FERMT1: variants seen among roughly 807,000 people sequenced by gnomAD.
FERMT1 encodes FERM domain containing kindlin 1.
Under a neutral mutation model 85.3 loss-of-function variants are expected in FERMT1, and 60 were observed. That is an observed-to-expected ratio of 0.70 (90% CI 0.57 to 0.87). The LOEUF is 0.87. FERMT1 is among the 40% of genes least tolerant of loss of function. The pLI is 0.00. For missense variants in FERMT1, 701 were observed against 818.9 expected, an observed-to-expected ratio of 0.86 and a Z score of 1.76; for synonymous variants, 275 against 301.1, an observed-to-expected ratio of 0.91 and a Z score of 0.90.
chr20:6,087,296 G>A (rs1982213289), intron 11 of FERMT1, among the ~76,000 whole-genome samples: 1 of 152,088 alleles, frequency 6.6e-6, no homozygotes, highest in Non-Finnish European at 1.5e-5. Context: ...ACATCTTTCA[G>A]AAAACAATGT....
intron 6 of FERMT1, among the ~76,000 whole-genome samples, chr20:6,098,585 A>G (rs1320166920): frequency 6.6e-6 from 1 of 151,432 alleles, no homozygotes; most frequent in African/African-American, 2.4e-5. Flanking sequence ...TTAATTTTAT[A>G]TTAAAATATA....
chr20:6,099,073 T>A (rs1171785287), intron 6 of FERMT1, among the ~76,000 whole-genome samples: 1 of 152,160 alleles, frequency 6.6e-6, no homozygotes, highest in Non-Finnish European at 1.5e-5. Flanking sequence ...AAATGTGCTG[T>A]CCACATACAA....
intron 13 of FERMT1, among the ~76,000 whole-genome samples, chr20:6,081,159 G>T (rs143394463): frequency 1.1e-3 from 163 of 152,054 alleles, no homozygotes; most frequent in African/African-American, 3.7e-3. Context: ...CTCACAAGTC[G>T]CAGCTACTTG....
intron 5 of FERMT1, among the ~76,000 whole-genome samples, chr20:6,108,473 G>A (rs1374608614): frequency 1.3e-5 from 2 of 152,068 alleles, no homozygotes; most frequent in Non-Finnish European, 2.9e-5. Flanking sequence ...CAGCTTTGTA[G>A]ACAAAGAGAC....
chr20:6,082,799 C>T (rs1158950667), intron 13 of FERMT1, among the ~76,000 whole-genome samples: 1 of 152,060 alleles, frequency 6.6e-6, no homozygotes, highest in Non-Finnish European at 1.5e-5. Flanking sequence ...GGGACTACAG[C>T]TGCACACCAC....
intron 14 of FERMT1, among the ~76,000 whole-genome samples, chr20:6,078,270 G>T (rs1201594347): frequency 6.6e-6 from 1 of 152,148 alleles, no homozygotes; most frequent in Non-Finnish European, 1.5e-5. Context: ...TAGAGCTACC[G>T]CCTTAGAGGT....
At chr20:6,117,374 T>A (rs1276195037) in intron 2 of FERMT1, among the ~76,000 whole-genome samples, 1 of 151,700 alleles carries the variant, frequency 6.6e-6, no homozygotes, top group Non-Finnish European at 1.5e-5. Context: ...GTTCAAGCGA[T>A]TCTCCTGCCT....
chr20:6,078,786 T>C (rs1262846659), intron 14 of FERMT1, among the ~76,000 whole-genome samples: 2 of 152,156 alleles, frequency 1.3e-5, no homozygotes, highest in East Asian at 3.9e-4. Flanking sequence ...AGCGGCAGGA[T>C]GCTAAGCTGC....
Position 6,084,859 on chromosome 20 carries a change from G to A in FERMT1, c.1593+207C>T, listed in dbSNP as rs112005505. Among the ~76,000 whole-genome samples the A allele has an allele frequency of 5.6e-3, 854 of 152,026 alleles. 6 individuals carry two copies. Among genetic ancestry groups the A allele is most frequent in the African/African-American group, 0.019 (798 of 41,472 alleles). On this transcript the variant is annotated intron_variant, in intron 12 of 14. Coordinates refer to ENST00000217289, the MANE Select transcript of FERMT1 (RefSeq NM_017671.5). ...CAGGTGTGCACCACCACGTCTGACT[G>A]ATTTTGTATTTTTAGTATAGAAGGG...
intron 6 of FERMT1, among the ~76,000 whole-genome samples, chr20:6,097,875 T>G (rs1982553168): frequency 6.6e-6 from 1 of 151,792 alleles, no homozygotes. Context: ...AGTACAGTAG[T>G]GCAATCTTGG....
intron 12 of FERMT1, 98 bp downstream of exon 12, chr20:6,084,968 C>T (rs1982119965): frequency 8.4e-7 from 1 of 1,183,596 alleles, no homozygotes; most frequent in Non-Finnish European, 1.3e-6. Context: ...GCTGGAATTA[C>T]AGGTGTGAGC....
At position 6,076,401 on chromosome 20, in the gene FERMT1, C is replaced by T. The variant is rs1043120859; in HGVS notation, c.*772G>A. On this transcript the variant is annotated 3_prime_UTR_variant, in exon 15 of 15. Transcript: ENST00000217289. ...GGATCTGGGTTGAGAAATGGGTTTT[C>T]CTGTCCCCCTGTGTCACCCACATCT... The T allele has an allele frequency of 3.9e-6, 2 of 513,628 alleles. No homozygotes were observed. The highest frequency in any genetic ancestry group is 3.9e-5 in the African/African-American group (2 of 51,886). 31.8% of individuals were successfully genotyped at this position (513,628 alleles called of 1,614,324 possible).
rs530261051 is a variant in FERMT1 at position 6,081,434 on chromosome 20, G to A, written c.1719-1857C>T. On this transcript the variant is annotated intron_variant, in intron 13 of 14. Coordinates refer to ENST00000217289, the MANE Select transcript of FERMT1 (RefSeq NM_017671.5). ...AGGCAAGTGATGCAAGTTGGCAAAG[G>A]GTAAGGGGTGACTCATTGTGTCAAA... Among the ~76,000 whole-genome samples, 128 of 152,264 alleles carry A rather than the reference G, an allele frequency of 8.4e-4. 2 individuals carry two copies. The South Asian group carries it at 0.019, about 22-fold the overall frequency.
Position 6,075,032 on chromosome 20 carries a change from C to G in FERMT1, c.*2141G>C, listed in dbSNP as rs1257574281. 3.4e-5 allele frequency: 5 copies of G among 147,564 alleles called. No homozygotes were observed. The highest frequency in any genetic ancestry group is 4.3e-4 in the South Asian group (2 of 4,620). The allele number at this position is 147,564 out of a possible 1,614,324, so 9.1% of individuals were successfully genotyped here. A position where few individuals can be genotyped will look rare whatever the true frequency, so the allele number is the denominator to read the frequency against. On this transcript the variant is annotated 3_prime_UTR_variant, in exon 15 of 15. Transcript: ENST00000217289. ...AAAACCATCAAGTTGCTCTTTGGAACAGTAGCATTTAGGTTTGTTTTTTTT... is the reference window on the plus strand; with the variant it reads ...AAAACCATCAAGTTGCTCTTTGGAAGAGTAGCATTTAGGTTTGTTTTTTTT...
intron 13 of FERMT1, among the ~76,000 whole-genome samples, chr20:6,080,451 AT>A (rs1158761340): frequency 6.6e-6 from 1 of 152,170 alleles, no homozygotes; most frequent in African/African-American, 2.4e-5. Flanking sequence ...CCTGTCCCAG[AT>A]GGTTTTGAGC....
At chr20:6,114,316 G>GA (rs1308479982) in intron 3 of FERMT1, among the ~76,000 whole-genome samples, 1 of 152,130 alleles carries the variant, frequency 6.6e-6, no homozygotes, top group African/African-American at 2.4e-5. Context: ...TTCTTCAAGG[G>GA]AAAAACCACT....
chr20:6,122,525 G>A (rs1230902174), intron 1 of FERMT1, among the ~76,000 whole-genome samples: 1 of 152,232 alleles, frequency 6.6e-6, no homozygotes, highest in East Asian at 1.9e-4. Context: ...TGGGGCGGAT[G>A]TTGGGTGGAT....
Position 6,096,954 on chromosome 20 carries a change from G to T in FERMT1, c.1037C>A (p.Ala346Glu), listed in dbSNP as rs148022730. ...TAGGGTTACTTCCAAATTAGAAAGC[G>T]CCGCTTCTATTTCATCAACCTCGGA... ...GESEVDEIEA[A>E]LSNLEVTLEG... Residue 346 changes from alanine to glutamate, a missense_variant, in exon 8 of 15, where the codon GCG (alanine) becomes GAG (glutamate). Ala to Glu is a moderately radical substitution (Grantham distance 107). Transcript: ENST00000217289. 6.2e-7 allele frequency: 1 copy of T among 1,613,890 alleles called. No individual in the cohort carries two copies. Among genetic ancestry groups the T allele is most frequent in the Non-Finnish European group, 8.5e-7 (1 of 1,179,940 alleles).
rs1192641601 is a variant in FERMT1, at chr20:6,079,490, T to C, written c.1806A>G (p.Thr602=). 1 of 1,613,918 alleles carries C rather than the reference T, an allele frequency of 6.2e-7. No individual in the cohort carries two copies. The highest frequency in any genetic ancestry group is 2.2e-5 in the East Asian group (1 of 44,898). The change falls in exon 14 of 15, where the codon ACA becomes ACG. Residue 602 remains threonine, a synonymous_variant. Coordinates refer to ENST00000217289, the MANE Select transcript of FERMT1 (RefSeq NM_017671.5). ...KIDAATGIPV[T]TWRFTNIKQW... is the part of the protein sequence containing the mutation. ...GTTTGATATTTGTGAATCTCCATGT[T>C]GTCACTGGAATCCCGGTGGCTGCAT...
Sources: gnomAD v4.1 joint callset for allele counts (sites outside exome capture counted in the v4.1 genomes callset) on GRCh38, gnomAD v4.1.1 for gene constraint, MANE v1.5 for transcripts, NCBI Gene and HGNC (gene_info 2026-07-23, HGNC 2026-07-21) for gene names.